CADPS2: variants seen among roughly 807,000 people sequenced by gnomAD.
CADPS2 encodes the protein calcium-dependent secretion activator 2.
CADPS2 carries 93 observed loss-of-function variants against 172.5 expected under a neutral mutation model. That is an observed-to-expected ratio of 0.54 (90% CI 0.46 to 0.64). CADPS2 has a LOEUF of 0.64. CADPS2 is among the 30% of genes least tolerant of loss of function. The pLI, the probability that CADPS2 is intolerant of heterozygous loss-of-function variation, is 0.00. For synonymous variants in CADPS2, 546 were observed against 555.2 expected, an observed-to-expected ratio of 0.98 and a Z score of 0.23; for missense variants, 1,420 against 1,565.9, an observed-to-expected ratio of 0.91 and a Z score of 1.57.
chr7:122,837,554 A>G (rs1457819165), intron 1 of CADPS2, among the ~76,000 whole-genome samples: 1 of 152,340 alleles, frequency 6.6e-6, no homozygotes, highest in East Asian at 1.9e-4. Context: ...AGAAGAAAAG[A>G]GAGAAGAATC....
At chr7:122,780,582 T>C (rs965543039) in intron 1 of CADPS2, among the ~76,000 whole-genome samples, 5 of 152,132 alleles carry the variant, frequency 3.3e-5, no homozygotes, top group African/African-American at 1.2e-4. Context: ...GGTCTTCCTC[T>C]ATCTAGAGTG....
intron 7 of CADPS2, among the ~76,000 whole-genome samples, chr7:122,563,520 C>G (rs2066014641): frequency 6.6e-6 from 1 of 152,116 alleles, no homozygotes; most frequent in Admixed American, 6.6e-5. Context: ...CAAATCACTT[C>G]AAGATAACAA....
At chr7:122,736,730 C>A (rs1287687534) in intron 2 of CADPS2, among the ~76,000 whole-genome samples, 1 of 152,110 alleles carries the variant, frequency 6.6e-6, no homozygotes, top group African/African-American at 2.4e-5. Flanking sequence ...TTTACTTCTC[C>A]TCAAAAGATG....
chr7:122,554,896 T>G (rs1187849999), intron 7 of CADPS2, among the ~76,000 whole-genome samples: 1 of 152,152 alleles, frequency 6.6e-6, no homozygotes, highest in Non-Finnish European at 1.5e-5. Context: ...GTTTTCACAT[T>G]ATCACATAAT....
chr7:122,409,135 T>A (rs989842745), intron 19 of CADPS2, among the ~76,000 whole-genome samples: 2 of 152,204 alleles, frequency 1.3e-5, no homozygotes, highest in African/African-American at 4.8e-5. Flanking sequence ...AAAATGGGTA[T>A]ATGACCTAAC....
chr7:122,522,662 C>T (rs1393536159), intron 8 of CADPS2, among the ~76,000 whole-genome samples: 2 of 152,008 alleles, frequency 1.3e-5, no homozygotes, highest in Admixed American at 1.3e-4. Context: ...GAACTTATTC[C>T]TTCTATGTGA....
chr7:122,551,017 AT>A (rs2064212162), intron 8 of CADPS2, among the ~76,000 whole-genome samples: 1 of 152,136 alleles, frequency 6.6e-6, no homozygotes, highest in Non-Finnish European at 1.5e-5. Flanking sequence ...TTAAATATCT[AT>A]TTTCATTTAC....
intron 1 of CADPS2, chr7:122,850,340 C>A: frequency 4.7e-6 from 2 of 423,768 alleles, no homozygotes; most frequent in East Asian, 4.7e-5. Context: ...CTTCTCAGCC[C>A]TGCTGTGTCA....
intron 28 of CADPS2, among the ~76,000 whole-genome samples, chr7:122,338,753 A>G (rs2036297210): frequency 6.6e-6 from 1 of 152,162 alleles, no homozygotes; most frequent in Non-Finnish European, 1.5e-5. Context: ...ACATTCACAT[A>G]TAAGAAAGCA....
intron 6 of CADPS2, among the ~76,000 whole-genome samples, chr7:122,591,866 C>T (rs2070860795): frequency 6.6e-6 from 1 of 152,108 alleles, no homozygotes; most frequent in Admixed American, 6.6e-5. Flanking sequence ...AAATGTCAGA[C>T]CTAAAACCAT....
chr7:122,852,814 C>A (rs535373407), intron 1 of CADPS2, among the ~76,000 whole-genome samples: 1 of 152,192 alleles, frequency 6.6e-6, no homozygotes, highest in South Asian at 2.1e-4. Context: ...AACAGAGAAG[C>A]AATCCGACTT....
At chr7:122,488,203 T>G (rs911408397) in intron 11 of CADPS2, among the ~76,000 whole-genome samples, 2 of 152,092 alleles carry the variant, frequency 1.3e-5, no homozygotes, top group South Asian at 2.1e-4. Context: ...GGGAAGAGAT[T>G]TGACTTGAGT....
At chr7:122,844,657 T>C (rs1811478745) in intron 1 of CADPS2, among the ~76,000 whole-genome samples, 4 of 152,218 alleles carry the variant, frequency 2.6e-5, no homozygotes, top group Admixed American at 2.6e-4. Context: ...TATAGTAATG[T>C]ATCCTAAGTT....
intron 4 of CADPS2, among the ~76,000 whole-genome samples, chr7:122,622,056 T>C (rs946283954): frequency 6.6e-6 from 1 of 152,320 alleles, no homozygotes; most frequent in Middle Eastern, 3.4e-3. Flanking sequence ...CCTTAGCCAC[T>C]AGTAGCTTTG....
intron 14 of CADPS2, among the ~76,000 whole-genome samples, chr7:122,468,099 G>A (rs2055403464): frequency 6.6e-6 from 1 of 152,156 alleles, no homozygotes; most frequent in South Asian, 2.1e-4. Flanking sequence ...TCAACACTGT[G>A]CAATAGGATG....
intron 1 of CADPS2, among the ~76,000 whole-genome samples, chr7:122,877,779 G>C (rs1821599583): frequency 6.6e-6 from 1 of 152,060 alleles, no homozygotes; most frequent in African/African-American, 2.4e-5. Context: ...TTAACAACTA[G>C]AAACGATAGC....
chr7:122,614,295 C>T (rs891246920), intron 6 of CADPS2, among the ~76,000 whole-genome samples: 16 of 152,130 alleles, frequency 1.1e-4, no homozygotes, highest in African/African-American at 3.6e-4. Flanking sequence ...ACTCTGTGCA[C>T]CTCTTTTCTG....
At chr7:122,386,329 G>GAA in intron 24 of CADPS2, 7 of 1,369,802 alleles carry the variant, frequency 5.1e-6, no homozygotes, top group South Asian at 3.7e-5. Context: ...GCCATGGGTG[G>GAA]AAAAAAAAAG....
intron 3 of CADPS2, among the ~76,000 whole-genome samples, chr7:122,629,773 T>C (rs1282645891): frequency 6.6e-6 from 1 of 152,158 alleles, no homozygotes; most frequent in Non-Finnish European, 1.5e-5. Flanking sequence ...TTTGATTGAC[T>C]GATACAACTT....
Sources: gnomAD v4.1 joint callset for allele counts (sites outside exome capture counted in the v4.1 genomes callset) on GRCh38, gnomAD v4.1.1 for gene constraint, MANE v1.5 for transcripts, NCBI Gene and HGNC (gene_info 2026-07-23, HGNC 2026-07-21) for gene names.